PATJ: variants seen among roughly 807,000 people sequenced by gnomAD.
The protein encoded by PATJ is inaD-like protein.
Under a neutral mutation model 224.9 loss-of-function variants are expected in PATJ, and 190 were observed. The observed-to-expected ratio is 0.84, with a 90% CI of 0.75 to 0.95. The LOEUF is 0.95. PATJ is among the 40% of genes least tolerant of loss of function. The pLI is 0.00. For missense variants in PATJ, 2,121 were observed against 2,270.3 expected (o/e 0.93, Z 1.34); for synonymous variants, 769 against 820.3 (o/e 0.94, Z 1.07).
intron 28 of PATJ, among the ~76,000 whole-genome samples, chr1:61,993,785 G>C (rs1645199779): frequency 6.6e-6 from 1 of 152,168 alleles, no homozygotes; most frequent in Non-Finnish European, 1.5e-5. Context: ...ACAGCATGGT[G>C]AATAGTTAAC....
At chr1:61,809,960 C>T (rs1411002882) in intron 14 of PATJ, among the ~76,000 whole-genome samples, 2 of 151,952 alleles carry the variant, frequency 1.3e-5, no homozygotes, top group Non-Finnish European at 2.9e-5. Context: ...ATTCTCCTGC[C>T]TCAGCCTCCC....
chr1:61,766,177 A>G (rs1646258741), intron 3 of PATJ, 102 bp from the exon 4 acceptor site: 2 of 747,420 alleles, frequency 2.7e-6, no homozygotes, highest in Middle Eastern at 3.8e-4. Context: ...CCATGTATAT[A>G]TTTAATGTGC....
intron 31 of PATJ, among the ~76,000 whole-genome samples, chr1:62,074,246 T>C (rs1489311628): frequency 6.7e-6 from 1 of 149,410 alleles, no homozygotes; most frequent in Non-Finnish European, 1.5e-5. Context: ...TTAGGAGATA[T>C]ACCTAATGCT....
At chr1:61,772,906 A>T (rs1646698802) in intron 6 of PATJ, among the ~76,000 whole-genome samples, 1 of 152,232 alleles carries the variant, frequency 6.6e-6, no homozygotes, top group Admixed American at 6.5e-5. Context: ...CTGGTGCTGC[A>T]TATACGTTCT....
chr1:61,921,493 A>G (rs574147852), intron 26 of PATJ, among the ~76,000 whole-genome samples: 25 of 152,280 alleles, frequency 1.6e-4, no homozygotes, highest in Admixed American at 1.2e-3. Context: ...TATTGCTTGC[A>G]GAGGTGTTTC....
At chr1:61,890,004 C>T (rs1365243704) in intron 22 of PATJ, among the ~76,000 whole-genome samples, 1 of 152,102 alleles carries the variant, frequency 6.6e-6, no homozygotes, top group Non-Finnish European at 1.5e-5. Context: ...GTTTAAAGAC[C>T]TATGGGTGCC....
At chr1:61,973,991 T>C (rs1683327221) in intron 27 of PATJ, among the ~76,000 whole-genome samples, 1 of 151,824 alleles carries the variant, frequency 6.6e-6, no homozygotes, top group Admixed American at 6.6e-5. Flanking sequence ...TAAAGATCTT[T>C]TTTTTTTTCT....
At chr1:61,991,445 G>A in intron 28 of PATJ, 1 of 957,418 alleles carries the variant, frequency 1.0e-6, no homozygotes, top group African/African-American at 1.8e-5. Flanking sequence ...TTGAAATGAA[G>A]GCTTACTGAT....
chr1:62,013,117 A>G (rs1232320491), intron 28 of PATJ, among the ~76,000 whole-genome samples: 1 of 152,256 alleles, frequency 6.6e-6, no homozygotes, highest in African/African-American at 2.4e-5. Flanking sequence ...CAGAACCGTG[A>G]AAGGCATAAC....
At chr1:62,062,937 A>AT (rs1266897333) in intron 31 of PATJ, among the ~76,000 whole-genome samples, 2 of 151,906 alleles carry the variant, frequency 1.3e-5, no homozygotes, top group East Asian at 3.9e-4. Context: ...GTTTATGAAT[A>AT]TTTTCTCCTA....
At chr1:61,954,013 C>T (rs1680084388) in intron 27 of PATJ, among the ~76,000 whole-genome samples, 1 of 152,110 alleles carries the variant, frequency 6.6e-6, no homozygotes, top group South Asian at 2.1e-4. Context: ...CTTTGTTGAA[C>T]TAATATATAA....
chr1:62,046,604 G>A (rs1570308408), intron 30 of PATJ, among the ~76,000 whole-genome samples: 2 of 152,304 alleles, frequency 1.3e-5, no homozygotes, highest in East Asian at 3.9e-4. Flanking sequence ...CCAGATGCTC[G>A]ATTCAAGGAT....
At chr1:61,750,477 C>T (rs965682835) in intron 1 of PATJ, among the ~76,000 whole-genome samples, 1 of 131,204 alleles carries the variant, frequency 7.6e-6, no homozygotes, top group Non-Finnish European at 1.6e-5. Context: ...CTATTTTTGC[C>T]CAGGCTGGAG....
intron 33 of PATJ, 132 bp downstream of exon 33, chr1:62,084,780 G>A: frequency 3.3e-6 from 3 of 904,368 alleles, no homozygotes; most frequent in Non-Finnish European, 5.2e-6. Flanking sequence ...ATAAATAGAT[G>A]TGCATCCATA....
At chr1:62,084,025 G>T (rs920663259) in intron 32 of PATJ, among the ~76,000 whole-genome samples, 1 of 152,234 alleles carries the variant, frequency 6.6e-6, no homozygotes, top group African/African-American at 2.4e-5. Flanking sequence ...AGGCCAAGGC[G>T]GGCGGATCAC....
At chr1:62,090,701 G>A (rs1190829680) in intron 33 of PATJ, among the ~76,000 whole-genome samples, 1 of 151,864 alleles carries the variant, frequency 6.6e-6, no homozygotes, top group Admixed American at 6.6e-5. Context: ...CACCCCTCTG[G>A]TCTTGTTGGA....
At chr1:61,921,441 T>C (rs1674322535) in intron 26 of PATJ, among the ~76,000 whole-genome samples, 1 of 152,230 alleles carries the variant, frequency 6.6e-6, no homozygotes, top group African/African-American at 2.4e-5. Flanking sequence ...GGACACCTAT[T>C]AATAAGCATA....
At chr1:61,882,306 G>C (rs1668214013) in intron 21 of PATJ, among the ~76,000 whole-genome samples, 1 of 152,162 alleles carries the variant, frequency 6.6e-6, no homozygotes, top group African/African-American at 2.4e-5. Flanking sequence ...AGCCAGCCCT[G>C]TGTGAAAACA....
intron 28 of PATJ, among the ~76,000 whole-genome samples, chr1:62,003,380 T>C (rs1645907008): frequency 6.6e-6 from 1 of 152,260 alleles, no homozygotes; most frequent in Non-Finnish European, 1.5e-5. Flanking sequence ...TAGACAGATG[T>C]GTGAGCTGCA....
Sources: allele counts gnomAD v4.1 joint callset (sites outside exome capture counted in the v4.1 genomes callset), GRCh38; gene constraint gnomAD v4.1.1; transcripts MANE v1.5; gene names NCBI Gene and HGNC (gene_info 2026-07-23, HGNC 2026-07-21).